Variants in PLXNA4 observed in about 807,000 individuals in gnomAD.
PLXNA4 encodes plexin A4.
Under a neutral mutation model 191.8 loss-of-function variants are expected in PLXNA4, and 44 were observed. The observed-to-expected ratio is 0.23, with a 90% CI of 0.18 to 0.29. The LOEUF is 0.29. Ranked by LOEUF, PLXNA4 falls within the 10% of genes least tolerant of loss-of-function variation. The probability of loss-of-function intolerance (pLI) is 1.00; values close to 1 mark genes in which losing one functional copy is unlikely to be tolerated. For synonymous variants in PLXNA4, 1,082 were observed against 1,009.5 expected, an observed-to-expected ratio of 1.07 and a Z score of -1.36; for missense variants, 1,800 against 2,488.8, an observed-to-expected ratio of 0.72 and a Z score of 5.89.
At chr7:132,137,196 G>C (rs1389474988) in intron 30 of PLXNA4, among the ~76,000 whole-genome samples, 1 of 152,142 alleles carries the variant, frequency 6.6e-6, no homozygotes, top group Non-Finnish European at 1.5e-5. Flanking sequence ...TCCATAGGAG[G>C]CATATTTAAA....
intron 8 of PLXNA4, among the ~76,000 whole-genome samples, chr7:132,225,544 C>T (rs10225863): frequency 0.48 from 72,851 of 151,856 alleles, 18,082 homozygotes; most frequent in East Asian, 0.69. Context: ...CCACCTGCCA[C>T]TGGAAGTTGG....
At chr7:132,357,465 T>C (rs1036956287) in intron 3 of PLXNA4, among the ~76,000 whole-genome samples, 77 of 152,326 alleles carry the variant, frequency 5.1e-4, no homozygotes, top group Middle Eastern at 3.4e-3. Context: ...GAGTATCAAT[T>C]CATTTGTTCA....
At chr7:132,509,567 G>A (rs1459415246) in intron 1 of PLXNA4, among the ~76,000 whole-genome samples, 1 of 152,184 alleles carries the variant, frequency 6.6e-6, no homozygotes, top group Non-Finnish European at 1.5e-5. Flanking sequence ...AGTGGTAGAG[G>A]TAGCTCCAAA....
chr7:132,613,401 T>C (rs1202171965), intron 2 of PLXNA4, among the ~76,000 whole-genome samples: 2 of 152,172 alleles, frequency 1.3e-5, no homozygotes, highest in Non-Finnish European at 2.9e-5. Context: ...AGTTCATAAT[T>C]CCATGTGAAT....
chr7:132,498,413 A>G (rs1798115080), intron 2 of PLXNA4, among the ~76,000 whole-genome samples: 1 of 152,174 alleles, frequency 6.6e-6, no homozygotes, highest in African/African-American at 2.4e-5. Flanking sequence ...CACGGATGGC[A>G]GCAGGCAAAA....
intron 1 of PLXNA4, among the ~76,000 whole-genome samples, chr7:132,527,795 C>T (rs1799464439): frequency 6.6e-6 from 1 of 152,192 alleles, no homozygotes; most frequent in Non-Finnish European, 1.5e-5. Flanking sequence ...ACTCAACCTC[C>T]ACGCACGTGC....
chr7:132,256,333 A>G (rs1799430389), intron 4 of PLXNA4, among the ~76,000 whole-genome samples: 1 of 152,166 alleles, frequency 6.6e-6, no homozygotes, highest in African/African-American at 2.4e-5. Context: ...CGTGGAATTC[A>G]TTTTCGAATG....
chr7:132,319,468 C>G (rs1019383132), intron 3 of PLXNA4, among the ~76,000 whole-genome samples: 1 of 152,164 alleles, frequency 6.6e-6, no homozygotes, highest in African/African-American at 2.4e-5. Flanking sequence ...GTTTCCTACT[C>G]TAGGTCTGTT....
At position 132,190,100 on chromosome 7, in the gene PLXNA4, C is replaced by T. The variant is rs559146199; in HGVS notation, c.2857-2493G>A. ...TCAGTCTCTCCTGCTCACCACCCAC[C>T]TTCTTCCTTCTCCCTCCTGTTCCCA... On this transcript the variant is annotated intron_variant, in intron 14 of 31. Transcript: ENST00000321063. Among the ~76,000 whole-genome samples the T allele has an allele frequency of 3.3e-5, 5 of 152,362 alleles. No individual in the cohort carries two copies. In the South Asian group the frequency reaches 1.0e-3, roughly 32 times the overall value.
chr7:132,314,739 T>C (rs1563029524), intron 3 of PLXNA4, among the ~76,000 whole-genome samples: 1 of 152,234 alleles, frequency 6.6e-6, no homozygotes, highest in Non-Finnish European at 1.5e-5. Context: ...CTAACTGGAC[T>C]TCCAGCCACT....
At chr7:132,645,542 C>T (rs1239754632) in intron 2 of PLXNA4, among the ~76,000 whole-genome samples, 1 of 152,180 alleles carries the variant, frequency 6.6e-6, no homozygotes, top group East Asian at 1.9e-4. Context: ...TTCTTTATAG[C>T]AGTGTGAAAA....
At chr7:132,412,566 G>C (rs1016571511) in intron 3 of PLXNA4, among the ~76,000 whole-genome samples, 1 of 152,230 alleles carries the variant, frequency 6.6e-6, no homozygotes, top group Non-Finnish European at 1.5e-5. Context: ...CCAGCATAGA[G>C]GGCAATTGCT....
chr7:132,287,809 T>A (rs1025674872), intron 4 of PLXNA4, among the ~76,000 whole-genome samples: 2 of 152,100 alleles, frequency 1.3e-5, no homozygotes, highest in African/African-American at 4.8e-5. Context: ...CGGGATGCCC[T>A]AGAGGTTGCA....
chr7:132,604,816 T>C (rs949774794), intron 2 of PLXNA4, among the ~76,000 whole-genome samples: 1 of 152,190 alleles, frequency 6.6e-6, no homozygotes, highest in Non-Finnish European at 1.5e-5. Flanking sequence ...GTGCAGATGG[T>C]GACATCTCTC....
chr7:132,499,063 G>A (rs1473180007), intron 2 of PLXNA4, among the ~76,000 whole-genome samples: 1 of 152,230 alleles, frequency 6.6e-6, no homozygotes, highest in East Asian at 1.9e-4. Context: ...AGTTTTCCCT[G>A]GAGAAGGGCA....
chr7:132,382,983 T>A (rs1316317183), intron 3 of PLXNA4, among the ~76,000 whole-genome samples: 1 of 152,198 alleles, frequency 6.6e-6, no homozygotes, highest in African/African-American at 2.4e-5. Context: ...GAATACAAGT[T>A]CTTATGGGCA....
chr7:132,317,749 C>A (rs1447110070), intron 3 of PLXNA4, among the ~76,000 whole-genome samples: 1 of 152,194 alleles, frequency 6.6e-6, no homozygotes, highest in African/African-American at 2.4e-5. Context: ...GCAACAAGAG[C>A]AAAATGGAGC....
intron 3 of PLXNA4, among the ~76,000 whole-genome samples, chr7:132,415,246 C>G (rs758697526): frequency 6.6e-6 from 1 of 152,250 alleles, no homozygotes; most frequent in Non-Finnish European, 1.5e-5. Flanking sequence ...GGTCATCGCC[C>G]TGCTCCCCAT....
At chr7:132,315,032 C>T (rs1801891183) in intron 3 of PLXNA4, among the ~76,000 whole-genome samples, 1 of 152,336 alleles carries the variant, frequency 6.6e-6, no homozygotes, top group South Asian at 2.1e-4. Flanking sequence ...ATCCACTCTC[C>T]TGAGCAAGTT....
Sources: gnomAD v4.1 joint callset for allele counts (sites outside exome capture counted in the v4.1 genomes callset) on GRCh38, gnomAD v4.1.1 for gene constraint, MANE v1.5 for transcripts, NCBI Gene and HGNC (gene_info 2026-07-23, HGNC 2026-07-21) for gene names.